The following MYCBP2 variants were observed in gnomAD, a reference collection of about 807,000 sequenced individuals.
The protein encoded by MYCBP2 is MYC binding protein 2.
In MYCBP2, 120 loss-of-function variants were observed where a neutral mutation model predicts 525.3. The observed-to-expected ratio is 0.23, with a 90% CI of 0.20 to 0.27. The LOEUF (loss-of-function observed/expected upper bound fraction) is 0.27. Ranked by LOEUF, MYCBP2 falls within the 10% of genes least tolerant of loss-of-function variation. MYCBP2 has a pLI of 1.00. For missense variants in MYCBP2, 4,149 were observed against 5,657.1 expected, an observed-to-expected ratio of 0.73 and a Z score of 8.55; for synonymous variants, 1,894 against 1,955.8, an observed-to-expected ratio of 0.97 and a Z score of 0.83.
chr13:77,093,614 T>A lies in MYCBP2; in HGVS notation c.10200-282A>T, dbSNP rs550671919. 2.6e-5 allele frequency among the ~76,000 whole-genome samples: 4 copies of A among 152,258 alleles called. No homozygotes were observed. The East Asian group carries it at 7.7e-4, about 29-fold the overall frequency. On this transcript the variant is annotated intron_variant, in intron 58 of 82. Coordinates refer to ENST00000544440, the MANE Select transcript of MYCBP2 (RefSeq NM_015057.5). ...TTTTGGTGAATAAGCCCACCAACCA[T>A]CCAGTTGCTTAAGCTAAAATATTTC...
chr13:77,198,337 A>G (rs780635946), intron 26 of MYCBP2, among the ~76,000 whole-genome samples: 4 of 152,256 alleles, frequency 2.6e-5, no homozygotes, highest in Non-Finnish European at 4.4e-5. Flanking sequence ...ATAACCAGAA[A>G]TAAGCAAATA....
At chr13:77,103,099 A>C (rs2047320477) in intron 55 of MYCBP2, 1 of 393,304 alleles carries the variant, frequency 2.5e-6, no homozygotes, top group Non-Finnish European at 4.5e-6. Context: ...GATAAACTTT[A>C]ATTAAAAAAA....
intron 23 of MYCBP2, among the ~76,000 whole-genome samples, chr13:77,207,077 G>C (rs1295455250): frequency 6.6e-6 from 1 of 152,080 alleles, no homozygotes; most frequent in African/African-American, 2.4e-5. Flanking sequence ...TATAATACTT[G>C]ACTGTATAAA....
At chr13:77,260,665 C>G in intron 12 of MYCBP2, 73 bp from the exon 13 acceptor site, 2 of 1,285,862 alleles carry the variant, frequency 1.6e-6, no homozygotes, top group Non-Finnish European at 2.1e-6. Context: ...GTATATAAAG[C>G]TAAAAAAAAA....
In MYCBP2 at chr13:77,098,979, T is replaced by G; in HGVS notation, c.8175A>C (p.Pro2725=). 2 of 1,610,616 alleles carry G rather than the reference T, an allele frequency of 1.2e-6. No homozygotes were observed. The highest frequency in any genetic ancestry group is 1.7e-6 in the Non-Finnish European group (2 of 1,179,600). ...GCTCTGATTTTCCTGATGTAGAGGC[T>G]GGTTTAGAAGATGTTGAGATGTTTC... ...DRGNISTSSK[P]ASTSGKSELS... The change falls in exon 56 of 83, where the codon CCA becomes CCC. Residue 2725 remains proline, a synonymous_variant. Transcript: ENST00000544440.
At position 77,183,541 on chromosome 13, in the gene MYCBP2, CTTTTTTTTTTTTTTTT is replaced by C. The variant is rs60927409; in HGVS notation, c.4719+1546_4719+1561del. Among the ~76,000 whole-genome samples, 9 of 66,076 alleles carry C rather than the reference CTTTTTTTTTTTTTTTT, an allele frequency of 1.4e-4. 1 individual carries two copies. The highest frequency in any genetic ancestry group is 2.8e-4 in the African/African-American group (4 of 14,112). The allele number at this position is 66,076 out of a possible 152,430, so 43.3% of individuals were successfully genotyped here. On this transcript the variant is annotated intron_variant, in intron 32 of 82. Transcript: ENST00000544440. ...TTGTTTATAGTGATAGTCCCTATTTCTTTTTTTTTTTTTTTTTTTTTTTTTTTTTGAGATGGAGTAT... is the reference window on the plus strand; with the variant it reads ...TTGTTTATAGTGATAGTCCCTATTTCTTTTTTTTTTTTTGAGATGGAGTAT...
At chr13:77,259,131 G>A (rs1316235543) in intron 13 of MYCBP2, among the ~76,000 whole-genome samples, 2 of 152,070 alleles carry the variant, frequency 1.3e-5, no homozygotes, top group Non-Finnish European at 2.9e-5. Flanking sequence ...TGGGTGTTGT[G>A]GCACGTGCCT....
chr13:77,101,269 A>G (rs2047021437), intron 55 of MYCBP2, among the ~76,000 whole-genome samples: 1 of 152,092 alleles, frequency 6.6e-6, no homozygotes, highest in Non-Finnish European at 1.5e-5. Context: ...TTTATAAAAA[A>G]GGACAACTTG....
intron 47 of MYCBP2, among the ~76,000 whole-genome samples, chr13:77,147,984 TTGTGG>T (rs1566707775): frequency 6.6e-6 from 1 of 152,110 alleles, no homozygotes; most frequent in African/African-American, 2.4e-5. Flanking sequence ...TTGCATTCCG[TTGTGG>T]TAACAAAATT....
At chr13:77,082,889 A>G in intron 63 of MYCBP2, 143 bp downstream of exon 63, 1 of 665,228 alleles carries the variant, frequency 1.5e-6, no homozygotes, top group Non-Finnish European at 2.3e-6. Context: ...AAAAATTATG[A>G]CTGTAAGGAG....
rs764964093 is a variant in MYCBP2 at position 77,061,121 on chromosome 13, CT to C, written c.13036+47del. ...GTTTAATCAGTTGGCACGGTTTAAT[CT>C]TTTTTTGTGGGTTTTAAAGGCATGG... On this transcript the variant is annotated intron_variant, in intron 76 of 82. Transcript: ENST00000544440. 8 of 1,553,044 alleles carry C rather than the reference CT, an allele frequency of 5.2e-6. No individual in the cohort carries two copies. In the Admixed American group the frequency reaches 6.3e-5, roughly 12 times the overall value.
intron 42 of MYCBP2, 23 bp from the exon 43 acceptor site, chr13:77,164,564 C>G: frequency 1.4e-6 from 2 of 1,456,356 alleles, no homozygotes; most frequent in South Asian, 2.3e-5. Context: ...ATAAAATTTG[C>G]TGCTTTAAAA....
intron 2 of MYCBP2, among the ~76,000 whole-genome samples, chr13:77,294,129 T>TATATATATATATATATATATATATATAC (rs1450128273): frequency 3.8e-5 from 1 of 26,132 alleles, no homozygotes. Flanking sequence ...TATATATATA[T>TATATATATATATATATATATATATATAC]ACATATATAT....
intron 48 of MYCBP2, 129 bp downstream of exon 48, chr13:77,146,033 C>G: frequency 1.8e-6 from 1 of 556,898 alleles, no homozygotes; most frequent in Non-Finnish European, 3.1e-6. Flanking sequence ...TATGACATCT[C>G]TATCGGCAAC....
chr13:77,171,559 T>A lies in MYCBP2; in HGVS notation c.5727A>T (p.Ala1909=). Residue 1909 remains alanine (A), a synonymous_variant, in exon 38 of 83, where the codon GCA becomes GCT. Coordinates refer to ENST00000544440, the MANE Select transcript of MYCBP2 (RefSeq NM_015057.5). Reference sequence around the variant, plus strand: ...GAACGACAGTGCTTACAACAGACAATGCTCTGCTACAGTTTTTATCTTCTT... The same window carrying A: ...GAACGACAGTGCTTACAACAGACAAAGCTCTGCTACAGTTTTTATCTTCTT... ...ANEEDKNCSR[A]LSVVSTVVRA... 6.2e-7 allele frequency: 1 copy of A among 1,614,130 alleles called. No individual in the cohort carries two copies. The highest frequency in any genetic ancestry group is 8.5e-7 in the Non-Finnish European group (1 of 1,179,986).
chr13:77,122,819 T>C (rs2050990519), intron 54 of MYCBP2, among the ~76,000 whole-genome samples: 1 of 152,052 alleles, frequency 6.6e-6, no homozygotes, highest in Non-Finnish European at 1.5e-5. Context: ...GTATAATCTA[T>C]CCCTTTACCA....
At chr13:77,128,467 C>G (rs1207404885) in intron 52 of MYCBP2, among the ~76,000 whole-genome samples, 3 of 151,800 alleles carry the variant, frequency 2.0e-5, no homozygotes, top group African/African-American at 7.2e-5. Context: ...CAGGGTAACA[C>G]TGGGAGTTAA....
intron 18 of MYCBP2, among the ~76,000 whole-genome samples, chr13:77,231,753 C>T (rs2067164609): frequency 6.6e-6 from 1 of 152,110 alleles, no homozygotes; most frequent in Non-Finnish European, 1.5e-5. Context: ...ATTGGGAAAA[C>T]TTCACTTTCA....
intron 17 of MYCBP2, among the ~76,000 whole-genome samples, chr13:77,234,974 T>C (rs2067689169): frequency 6.6e-6 from 1 of 152,042 alleles, no homozygotes; most frequent in Non-Finnish European, 1.5e-5. Context: ...GATTTATAAA[T>C]CAAGAAGGCA....
Sources: allele counts gnomAD v4.1 joint callset (sites outside exome capture counted in the v4.1 genomes callset), GRCh38; gene constraint gnomAD v4.1.1; transcripts MANE v1.5; gene names NCBI Gene and HGNC (gene_info 2026-07-23, HGNC 2026-07-21).